The following ABCA12 variants were observed in gnomAD, a reference collection of about 807,000 sequenced individuals.
ABCA12 encodes ATP binding cassette subfamily A member 12.
ABCA12 carries 156 observed loss-of-function variants against 293.5 expected under a neutral mutation model. That is an observed-to-expected ratio of 0.53 (90% CI 0.47 to 0.61). ABCA12 has a LOEUF of 0.61. ABCA12 is among the 20% of genes least tolerant of loss of function. ABCA12 has a pLI of 0.00. For missense variants in ABCA12, 2,797 were observed against 3,090.2 expected, an observed-to-expected ratio of 0.91 and a Z score of 2.25; for synonymous variants, 1,063 against 1,108.0, an observed-to-expected ratio of 0.96 and a Z score of 0.81.
In ABCA12 at chr2:214,974,816, G is replaced by T; in HGVS notation, c.5430C>A (p.Phe1810Leu). ...TCAGACACATGTTGTCAATTCCAGG[G>T]AAGTCCCACATTGCTGAGACAAGTG... ...TEALVSAMWD[F>L]PGIDNMCLNT... Residue 1810 changes from phenylalanine (F) to leucine (L), a missense_variant, in exon 35 of 53, where the codon TTC becomes TTA. Physicochemically the swap from Phe to Leu is conservative, Grantham distance 22. Around this residue, in one of 3 missense-constraint regions of ABCA12, gnomAD observed 2,130 missense variants for 2,427.0 expected, o/e 0.88. Transcript: ENST00000272895. The T allele has an allele frequency of 1.2e-6, 2 of 1,614,078 alleles. No individual in the cohort carries two copies. The highest frequency in any genetic ancestry group is 1.7e-6 in the Non-Finnish European group (2 of 1,179,980).
At chr2:215,062,311 C>T (rs1701544816) in intron 3 of ABCA12, among the ~76,000 whole-genome samples, 1 of 152,002 alleles carries the variant, frequency 6.6e-6, no homozygotes, top group Admixed American at 6.6e-5. Flanking sequence ...TCTTCCATCC[C>T]ACCTTTGCAC....
In ABCA12 at chr2:215,001,571, G is replaced by A. The variant is rs374693206; in HGVS notation, c.2850C>T (p.Asn950=). The A allele has an allele frequency of 2.1e-5, 34 of 1,613,474 alleles. No individual in the cohort carries two copies. Among genetic ancestry groups the A allele is most frequent in the South Asian group, 3.3e-5 (3 of 91,076 alleles). Residue 950 remains asparagine (N), a synonymous_variant, in exon 21 of 53, where the codon AAC becomes AAT. Transcript: ENST00000272895. The part of the protein sequence containing the change: ...EREAKRLYKS[N]ELFGSVIFKL... ...AACAGCACTTACTTCCAAAGAGTTCGTTGCTTTTGTAGAGCCTTTTAGCCT... is the reference window on the plus strand; with the variant it reads ...AACAGCACTTACTTCCAAAGAGTTCATTGCTTTTGTAGAGCCTTTTAGCCT...
chr2:214,949,210 T>G, intron 45 of ABCA12, 61 bp from the exon 46 acceptor site: 2 of 1,144,158 alleles, frequency 1.7e-6, no homozygotes, highest in Non-Finnish European at 2.7e-6. Context: ...ACATTGCTTT[T>G]GTATCTCTCC....
chr2:214,998,172 T>C (rs1307662119), intron 22 of ABCA12, among the ~76,000 whole-genome samples: 1 of 152,222 alleles, frequency 6.6e-6, no homozygotes, highest in Non-Finnish European at 1.5e-5. Context: ...AAAAGGCAGA[T>C]TTAAAATGAG....
intron 22 of ABCA12, 106 bp from the exon 23 acceptor site, chr2:214,997,915 A>C (rs559607184): frequency 4.3e-5 from 31 of 727,630 alleles, no homozygotes; most frequent in Non-Finnish European, 7.0e-5. Flanking sequence ...TGAACTTATG[A>C]TCGTGTTTTG....
At chr2:214,985,730 C>A (rs1699770515) in intron 28 of ABCA12, among the ~76,000 whole-genome samples, 1 of 152,140 alleles carries the variant, frequency 6.6e-6, no homozygotes, top group Non-Finnish European at 1.5e-5. Context: ...AGTCACTGAG[C>A]TGATTCGTGA....
chr2:215,085,002 A>G (rs1261797418), intron 2 of ABCA12, among the ~76,000 whole-genome samples: 2 of 151,328 alleles, frequency 1.3e-5, no homozygotes, highest in Non-Finnish European at 2.9e-5. Flanking sequence ...GCTGAGGCAG[A>G]AGAGTGGCTC....
chr2:215,120,709 G>A (rs1353769581), intron 1 of ABCA12, among the ~76,000 whole-genome samples: 1 of 152,128 alleles, frequency 6.6e-6, no homozygotes, highest in Admixed American at 6.5e-5. Flanking sequence ...CTATTTGAAT[G>A]CTTCTAGTGA....
chr2:215,075,711 T>C, intron 2 of ABCA12: 1 of 591,730 alleles, frequency 1.7e-6, no homozygotes, highest in Non-Finnish European at 3.0e-6. Context: ...CCATTAAAAG[T>C]AATGAAATGG....
chr2:214,935,524 T>C, intron 51 of ABCA12, among the ~76,000 whole-genome samples: 1 of 152,166 alleles, frequency 6.6e-6, no homozygotes, highest in Admixed American at 6.6e-5. Context: ...AGGCCGAGTG[T>C]GGTGGCTCAC....
chr2:215,126,180 T>C (rs1352106104), intron 1 of ABCA12, among the ~76,000 whole-genome samples: 1 of 152,208 alleles, frequency 6.6e-6, no homozygotes, highest in Non-Finnish European at 1.5e-5. Flanking sequence ...TCTGATATGT[T>C]GCTGGATTCG....
intron 41 of ABCA12, 38 bp from the exon 42 acceptor site, chr2:214,956,816 A>G (rs768717332): frequency 7.0e-7 from 1 of 1,428,738 alleles, no homozygotes; most frequent in Non-Finnish European, 9.8e-7. Flanking sequence ...ATACGTGACA[A>G]GCATTTTTCA....
chr2:215,015,281 T>C (rs140427672), intron 15 of ABCA12, among the ~76,000 whole-genome samples: 2 of 142,626 alleles, frequency 1.4e-5, no homozygotes, highest in Non-Finnish European at 3.1e-5. Context: ...CGAGAGTTAG[T>C]AAGGAATAAT....
intron 28 of ABCA12, among the ~76,000 whole-genome samples, 166 bp downstream of exon 28, chr2:214,986,376 A>T (rs530447220): frequency 6.6e-6 from 1 of 152,246 alleles, no homozygotes; most frequent in African/African-American, 2.4e-5. Context: ...AAGTATTACA[A>T]CCTTTGATTT....
chr2:214,951,025 C>G lies in ABCA12; in HGVS notation c.6706G>C (p.Asp2236His). 6.2e-7 allele frequency: 1 copy of G among 1,614,166 alleles called. No individual in the cohort carries two copies. The highest frequency in any genetic ancestry group is 8.5e-7 in the Non-Finnish European group (1 of 1,180,028). Residue 2236 changes from aspartate (D) to histidine (H), a missense_variant, in exon 45 of 53, where the codon GAT becomes CAT. By Grantham distance (81) the Asp-to-His change is moderately conservative. Coordinates refer to ENST00000272895, the MANE Select transcript of ABCA12 (RefSeq NM_173076.3). ...HVRETIDEDE[D>H]VRAERLRVES... ...ACTCTTAATCTCTCAGCCCGCACATCTTCATCCTCATCTATTGTCTCCCTT... is the reference window on the plus strand; with the variant it reads ...ACTCTTAATCTCTCAGCCCGCACATGTTCATCCTCATCTATTGTCTCCCTT...
At chr2:215,099,097 C>T (rs569774096) in intron 2 of ABCA12, among the ~76,000 whole-genome samples, 66 of 152,288 alleles carry the variant, frequency 4.3e-4, no homozygotes, top group African/African-American at 1.5e-3. Flanking sequence ...CAGTGTGATG[C>T]TCTAAGGCAT....
intron 1 of ABCA12, among the ~76,000 whole-genome samples, chr2:215,129,452 G>C (rs537954071): frequency 6.6e-6 from 1 of 152,154 alleles, no homozygotes; most frequent in Admixed American, 6.5e-5. Flanking sequence ...TCTCAGTGTG[G>C]TTTAAATTTA....
At chr2:215,083,067 C>A (rs912698692) in intron 2 of ABCA12, among the ~76,000 whole-genome samples, 1 of 152,178 alleles carries the variant, frequency 6.6e-6, no homozygotes, top group Non-Finnish European at 1.5e-5. Context: ...GAGCTGAAAG[C>A]TGATGGAAGT....
At chr2:214,963,681 A>G (rs1322212480) in intron 39 of ABCA12, among the ~76,000 whole-genome samples, 1 of 150,782 alleles carries the variant, frequency 6.6e-6, no homozygotes, top group Non-Finnish European at 1.5e-5. Context: ...TGGGAGCCCA[A>G]GGCGGGTGGA....
Sources: allele counts gnomAD v4.1 joint callset (sites outside exome capture counted in the v4.1 genomes callset), GRCh38; gene constraint gnomAD v4.1.1; regional missense constraint gnomAD v4.1.1; transcripts MANE v1.5; gene names NCBI Gene and HGNC (gene_info 2026-07-23, HGNC 2026-07-21).